Variants in ANK1 observed in about 807,000 individuals in gnomAD.
ANK1 encodes the protein ankyrin-1.
ANK1 carries 51 observed loss-of-function variants against 210.4 expected under a neutral mutation model. That is an observed-to-expected ratio of 0.24 (90% CI 0.19 to 0.31). The LOEUF is 0.31. Among genes scored for constraint, ANK1 ranks in the 10% least tolerant of loss-of-function variants. ANK1 has a pLI of 1.00. For synonymous variants in ANK1, 967 were observed against 1,025.9 expected, an observed-to-expected ratio of 0.94 and a Z score of 1.10; for missense variants, 2,051 against 2,504.4, an observed-to-expected ratio of 0.82 and a Z score of 3.86.
intron 1 of ANK1, among the ~76,000 whole-genome samples, chr8:41,769,868 T>A (rs893419008): frequency 1.5e-4 from 23 of 152,066 alleles, no homozygotes; most frequent in Admixed American, 5.2e-4. Context: ...TTAAAAAAAA[T>A]TTTTTGTAGA....
chr8:41,768,544 T>A (rs1842343228), intron 1 of ANK1, among the ~76,000 whole-genome samples: 1 of 151,034 alleles, frequency 6.6e-6, no homozygotes, highest in African/African-American at 2.4e-5. Flanking sequence ...CCCAGGGAGG[T>A]AATGGGTGGA....
intron 37 of ANK1, among the ~76,000 whole-genome samples, chr8:41,679,831 T>C (rs955476687): frequency 2.0e-5 from 3 of 152,070 alleles, no homozygotes; most frequent in African/African-American, 7.2e-5. Flanking sequence ...CCCAAAGTGC[T>C]GGGATTACAA....
intron 1 of ANK1, among the ~76,000 whole-genome samples, chr8:41,802,991 AAG>A (rs747807428): frequency 1.4e-5 from 1 of 69,712 alleles, no homozygotes; most frequent in Non-Finnish European, 3.2e-5. Flanking sequence ...GAAAGAGAGA[AAG>A]AGAGAAAGAA....
At chr8:41,690,152 G>C in intron 33 of ANK1, 75 bp downstream of exon 33, 1 of 1,605,026 alleles carries the variant, frequency 6.2e-7, no homozygotes, top group Non-Finnish European at 8.5e-7. Flanking sequence ...GGAAGTGCTG[G>C]ACCTGGGGTC....
At chr8:41,831,776 A>G (rs1806700996) in intron 1 of ANK1, among the ~76,000 whole-genome samples, 1 of 152,198 alleles carries the variant, frequency 6.6e-6, no homozygotes, top group African/African-American at 2.4e-5. Context: ...TCACCGCCCC[A>G]GACTGGAGTC....
chr8:41,702,374 T>C (rs1014930361), intron 20 of ANK1, among the ~76,000 whole-genome samples: 8 of 152,024 alleles, frequency 5.3e-5, no homozygotes, highest in African/African-American at 1.4e-4. Context: ...AGCGGTGCTT[T>C]CGATCTGCAG....
intron 9 of ANK1, among the ~76,000 whole-genome samples, chr8:41,721,854 T>C (rs1208207624): frequency 6.6e-6 from 1 of 152,132 alleles, no homozygotes; most frequent in African/African-American, 2.4e-5. Flanking sequence ...AGTTCCCAAT[T>C]GAAAAGTCAC....
intron 1 of ANK1, among the ~76,000 whole-genome samples, chr8:41,868,935 C>A (rs1199876781): frequency 1.3e-5 from 2 of 152,076 alleles, no homozygotes; most frequent in Non-Finnish European, 2.9e-5. Flanking sequence ...ATGCGAACAC[C>A]CAGGGTTCCA....
intron 35 of ANK1, among the ~76,000 whole-genome samples, chr8:41,687,692 G>C (rs1407725728): frequency 6.6e-6 from 1 of 152,126 alleles, no homozygotes; most frequent in Admixed American, 6.6e-5. Flanking sequence ...ACTCACATTG[G>C]GCAATGGACC....
In ANK1 at chr8:41,752,399, G is replaced by A. The variant is rs117732245; in HGVS notation, c.129+5637C>T. The stretch of plus-strand genomic sequence containing the variant: ...TTCCTCCCTGCTCTCATCAGCCCCC[G>A]TCAGCACTCGACTTCCTCGAAGGCT... On this transcript the variant is annotated intron_variant, in intron 2 of 42. Coordinates refer to ENST00000289734, the MANE Select transcript of ANK1 (RefSeq NM_000037.4). 3.8e-3 allele frequency among the ~76,000 whole-genome samples: 582 copies of A among 152,212 alleles called. 1 individual carries two copies. The highest frequency in any genetic ancestry group is 7.3e-3 in the Admixed American group (111 of 15,294).
intron 6 of ANK1, 21 bp from the exon 7 acceptor site, chr8:41,724,575 AG>A: frequency 6.4e-7 from 1 of 1,561,456 alleles, no homozygotes; most frequent in African/African-American, 1.4e-5. Context: ...ACAGAGGGGG[AG>A]AAACTTGTTA....
intron 1 of ANK1, among the ~76,000 whole-genome samples, chr8:41,883,557 T>G (rs762206780): frequency 2.6e-5 from 4 of 152,172 alleles, no homozygotes; most frequent in Non-Finnish European, 4.4e-5. Flanking sequence ...CCTCCTGGGT[T>G]CAAGTGATCC....
chr8:41,712,577 C>T (rs1256576722), intron 16 of ANK1, among the ~76,000 whole-genome samples: 3 of 152,250 alleles, frequency 2.0e-5, no homozygotes, highest in South Asian at 2.1e-4. Context: ...AATGTGTGCC[C>T]GCAAAAGGCT....
intron 38 of ANK1, among the ~76,000 whole-genome samples, chr8:41,670,121 C>T (rs1011305786): frequency 2.0e-5 from 3 of 152,000 alleles, no homozygotes; most frequent in African/African-American, 7.3e-5. Flanking sequence ...CACGTATTAT[C>T]TAGAATTTCT....
chr8:41,805,320 A>G (rs1850806134), intron 1 of ANK1, among the ~76,000 whole-genome samples: 1 of 151,670 alleles, frequency 6.6e-6, no homozygotes, highest in African/African-American at 2.4e-5. Flanking sequence ...ATGGCTTGCT[A>G]CAGTCTAGAA....
Position 41,692,631 on chromosome 8 carries a change from G to A in ANK1, c.3858+17C>T, listed in dbSNP as rs1038992857. 1 of 1,608,178 alleles carries A rather than the reference G, an allele frequency of 6.2e-7. No individual in the cohort carries two copies. The highest frequency in any genetic ancestry group is 8.5e-7 in the Non-Finnish European group (1 of 1,176,264). On this transcript the variant is annotated intron_variant, in intron 31 of 42. Coordinates refer to ENST00000289734, the MANE Select transcript of ANK1 (RefSeq NM_000037.4). ...GACGGTTTGTCCCAGAGGCGGTGCAGGGCCCAGCCCTGTTACCTCTATGTC... is the reference window on the plus strand; with the variant it reads ...GACGGTTTGTCCCAGAGGCGGTGCAAGGCCCAGCCCTGTTACCTCTATGTC...
intron 40 of ANK1, 79 bp from the exon 41 acceptor site, chr8:41,662,020 A>G: frequency 1.3e-6 from 2 of 1,531,846 alleles, no homozygotes; most frequent in Non-Finnish European, 1.8e-6. Context: ...GCACTTTGGG[A>G]GGCTGACGTG....
At chr8:41,703,910 T>C (rs997000226) in intron 20 of ANK1, 131 bp downstream of exon 20, 25 of 795,352 alleles carry the variant, frequency 3.1e-5, no homozygotes, top group Non-Finnish European at 5.0e-5. Flanking sequence ...CCAAGGTAGC[T>C]GTGGCTTTAG....
At chr8:41,894,282 T>C (rs774583049) in intron 1 of ANK1, among the ~76,000 whole-genome samples, 5 of 151,982 alleles carry the variant, frequency 3.3e-5, no homozygotes, top group Non-Finnish European at 7.4e-5. Context: ...AAAATCTGAA[T>C]GGAAGATTTT....
Sources: allele counts gnomAD v4.1 joint callset (sites outside exome capture counted in the v4.1 genomes callset), GRCh38; gene constraint gnomAD v4.1.1; transcripts MANE v1.5; gene names NCBI Gene and HGNC (gene_info 2026-07-23, HGNC 2026-07-21).